CAVIN1: variants seen among roughly 807,000 people sequenced by gnomAD.
CAVIN1 encodes the protein caveolae associated protein 1, also known as caveolae-associated protein 1.
Under a neutral mutation model 24.0 loss-of-function variants are expected in CAVIN1, and 16 were observed. The ratio of observed to expected loss-of-function variants is 0.67; its 90% CI spans 0.45 to 1.01. The LOEUF (loss-of-function observed/expected upper bound fraction) is 1.01, where lower values mean the gene tolerates loss of function less well. Among genes scored for constraint, CAVIN1 ranks in the 50% least tolerant of loss-of-function variants. The probability of loss-of-function intolerance (pLI) is 0.00; values close to 1 mark genes in which losing one functional copy is unlikely to be tolerated. For synonymous variants in CAVIN1, 256 were observed against 256.4 expected (o/e 1.00, Z 0.02); for missense variants, 510 against 551.7 (o/e 0.92, Z 0.76).
In CAVIN1 at chr17:42,422,645, A is replaced by G. The variant is rs751021826; in HGVS notation, c.453T>C (p.Phe151=). Residue 151 remains phenylalanine, a synonymous_variant, in exon 1 of 2, where the codon TTT becomes TTC. Coordinates refer to ENST00000357037, the MANE Select transcript of CAVIN1 (RefSeq NM_012232.6). ...NEAELLRRRN[F]KVMIYQDEVK... is the part of the protein sequence containing the mutation. ...GGCTCACCTGGTAGATCATGACTTTAAAGTTGCGGCGCCGCAGCAGCTCGG... is the reference window on the plus strand; with the variant it reads ...GGCTCACCTGGTAGATCATGACTTTGAAGTTGCGGCGCCGCAGCAGCTCGG... The G allele has an allele frequency of 1.1e-5, 18 of 1,586,904 alleles. No homozygotes were observed. The South Asian group carries it at 2.1e-4, about 18-fold the overall frequency.
chr17:42,405,556 A>T (rs1408865311), intron 1 of CAVIN1, among the ~76,000 whole-genome samples, 168 bp from the exon 2 acceptor site: 2 of 152,014 alleles, frequency 1.3e-5, no homozygotes, highest in Non-Finnish European at 2.9e-5. Flanking sequence ...CTGTAATATT[A>T]GCGCTGTGGG....
chr17:42,404,625 G>T lies in CAVIN1; in HGVS notation c.*62C>A. On this transcript the variant is annotated 3_prime_UTR_variant, in exon 2 of 2. Transcript: ENST00000357037. ...AAATCTCAGCCAGCTCGAGCCGAGA[G>T]AGAATGCGAAAGAGGAAGTTCGGAA... is the stretch of plus-strand genomic sequence containing the variant. The T allele has an allele frequency of 8.7e-7, 1 of 1,154,114 alleles. No individual in the cohort carries two copies. The allele number at this position is 1,154,114 out of a possible 1,614,324, so 71.5% of individuals were successfully genotyped here.
intron 1 of CAVIN1, 112 bp from the exon 2 acceptor site, chr17:42,405,500 C>T: frequency 8.9e-7 from 1 of 1,123,712 alleles, no homozygotes; most frequent in Non-Finnish European, 1.3e-6. Context: ...CGCTCGTGGT[C>T]CCCAGGAAAC....
chr17:42,421,065 T>C (rs1485647517), intron 1 of CAVIN1, among the ~76,000 whole-genome samples: 3 of 152,174 alleles, frequency 2.0e-5, no homozygotes, highest in African/African-American at 7.2e-5. Context: ...TAAATAGTGC[T>C]TAAGTAGGGG....
chr17:42,418,921 G>A (rs528221334), intron 1 of CAVIN1, among the ~76,000 whole-genome samples: 21 of 152,178 alleles, frequency 1.4e-4, no homozygotes, highest in Non-Finnish European at 2.9e-4. Context: ...GATGCACGTG[G>A]TAGCTCATGC....
Position 42,423,240 on chromosome 17 carries a change from G to C in CAVIN1, c.-143C>G, listed in dbSNP as rs886052949. The C allele has an allele frequency of 2.2e-5, 15 of 686,034 alleles. No individual in the cohort carries two copies. Among genetic ancestry groups the C allele is most frequent in the Non-Finnish European group, 3.6e-5 (15 of 414,218 alleles). The allele number at this position is 686,034 out of a possible 1,614,324, so 42.5% of individuals were successfully genotyped here. ...ACTCGAGCCACGTCCGTGCGCACCGGGACAGCGGCCAGAACTGCTGGGCGG... is the reference window on the plus strand; with the variant it reads ...ACTCGAGCCACGTCCGTGCGCACCGCGACAGCGGCCAGAACTGCTGGGCGG... On this transcript the variant is annotated 5_prime_UTR_variant, in exon 1 of 2. Coordinates refer to ENST00000357037, the MANE Select transcript of CAVIN1 (RefSeq NM_012232.6).
chr17:42,405,055 T>A lies in CAVIN1; in HGVS notation c.805A>T (p.Thr269Ser). The A allele has an allele frequency of 6.2e-7, 1 of 1,614,120 alleles. No homozygotes were observed. Among genetic ancestry groups the A allele is most frequent in the South Asian group, 1.1e-5 (1 of 91,086 alleles). ...TKENLEKTRH[T>S]LEKRMNKLGT... is the part of the protein sequence containing the mutation. ...AGCTTGTTCATGCGCTTCTCCAGGG[T>A]GTGCCGCGTCTTCTCCAGGTTTTCC... is the stretch of plus-strand genomic sequence containing the variant. Residue 269 changes from threonine (T) to serine (S), a missense_variant, in exon 2 of 2, where the codon ACC becomes TCC. Physicochemically the swap from Thr to Ser is moderately conservative, Grantham distance 58. Coordinates refer to ENST00000357037, the MANE Select transcript of CAVIN1 (RefSeq NM_012232.6).
At position 42,423,130 on chromosome 17, in the gene CAVIN1, G is replaced by A. The variant is rs2085568468; in HGVS notation, c.-33C>T. 6.7e-7 allele frequency: 1 copy of A among 1,488,080 alleles called. No homozygotes were observed. The highest frequency in any genetic ancestry group is 1.4e-5 in the African/African-American group (1 of 71,360). 92.2% of individuals were successfully genotyped at this position (1,488,080 alleles called of 1,614,324 possible). On this transcript the variant is annotated 5_prime_UTR_variant, in exon 1 of 2. Transcript: ENST00000357037. ...CGGAGCCGTGCGGGACCGGCCGGGTGGGGCTGGAGCTGGAGCGGGAGACCC... is the reference window on the plus strand; with the variant it reads ...CGGAGCCGTGCGGGACCGGCCGGGTAGGGCTGGAGCTGGAGCGGGAGACCC...
At position 42,404,550 on chromosome 17, in the gene CAVIN1, G is replaced by A; in HGVS notation, c.*137C>T. On this transcript the variant is annotated 3_prime_UTR_variant, in exon 2 of 2. Transcript: ENST00000357037. ...CGGGTCCTAACAGCTCTAAGACTGG[G>A]AGTGGAGTTCCTGGAGGTGTGGGGA... is the stretch of plus-strand genomic sequence containing the variant. The A allele has an allele frequency of 1.7e-6, 1 of 585,806 alleles. No individual in the cohort carries two copies. The highest frequency in any genetic ancestry group is 2.4e-5 in the South Asian group (1 of 41,162). 36.3% of individuals were successfully genotyped at this position (585,806 alleles called of 1,614,324 possible). A position where few individuals can be genotyped will look rare whatever the true frequency, so the allele number is the denominator to read the frequency against.
intron 1 of CAVIN1, among the ~76,000 whole-genome samples, chr17:42,405,638 GC>G (rs1279280226): frequency 6.7e-6 from 1 of 149,434 alleles, no homozygotes; most frequent in African/African-American, 2.5e-5. Context: ...CCCATCTCCG[GC>G]CCCCCAACCC....
Position 42,423,201 on chromosome 17 carries a change from G to A in CAVIN1, c.-104C>T. The A allele has an allele frequency of 1.1e-6, 1 of 948,632 alleles. No individual in the cohort carries two copies. The highest frequency in any genetic ancestry group is 1.7e-5 in the South Asian group (1 of 57,884). 58.8% of individuals were successfully genotyped at this position (948,632 alleles called of 1,614,324 possible). ...GGGAGGAGAGCTAGCGGGCGAGAGC[G>A]GAGAGCAGAGGAAACTCGAGCCACG... On this transcript the variant is annotated 5_prime_UTR_variant, in exon 1 of 2. Coordinates refer to ENST00000357037, the MANE Select transcript of CAVIN1 (RefSeq NM_012232.6).
At chr17:42,415,167 GAGCCAC>G (rs748410969) in intron 1 of CAVIN1, among the ~76,000 whole-genome samples, 174 of 152,198 alleles carry the variant, frequency 1.1e-3, no homozygotes, top group Non-Finnish European at 2.1e-3. Context: ...GCAAGTGTCG[GAGCCAC>G]AGCTAGCCCT....
At chr17:42,411,567 T>C (rs2085479028) in intron 1 of CAVIN1, 2 of 985,332 alleles carry the variant, frequency 2.0e-6, no homozygotes, top group Admixed American at 6.1e-5. Flanking sequence ...TGCAAAGCAT[T>C]TTCTAAAAGA....
intron 1 of CAVIN1, among the ~76,000 whole-genome samples, chr17:42,410,041 C>T (rs188964153): frequency 5.3e-5 from 8 of 152,332 alleles, no homozygotes; most frequent in African/African-American, 1.9e-4. Context: ...CCACTCCACC[C>T]CCCAACCCTG....
intron 1 of CAVIN1, among the ~76,000 whole-genome samples, chr17:42,416,375 AG>A (rs1307541615): frequency 4.2e-4 from 17 of 40,204 alleles, no homozygotes; most frequent in African/African-American, 6.6e-4. Flanking sequence ...CAAAGAAAGA[AG>A]AGAGAGAGAG....
chr17:42,405,694 T>TG (rs2085442169), intron 1 of CAVIN1, among the ~76,000 whole-genome samples: 3 of 83,988 alleles, frequency 3.6e-5, no homozygotes, highest in East Asian at 6.0e-4. Flanking sequence ...TTTTTTTTTT[T>TG]TTTTTTTTTT....
In CAVIN1 at chr17:42,408,561, G is replaced by C. The variant is rs376190077; in HGVS notation, c.472-3173C>G. On this transcript the variant is annotated intron_variant, in intron 1 of 1. Coordinates refer to ENST00000357037, the MANE Select transcript of CAVIN1 (RefSeq NM_012232.6). The stretch of plus-strand genomic sequence containing the variant: ...GGCTGGAGTGCAATGACACGATCTC[G>C]GCTCACCGCAACATCCGCCTCCTAG... Among the ~76,000 whole-genome samples, 5 of 152,050 alleles carry C rather than the reference G, an allele frequency of 3.3e-5. No homozygotes were observed. The South Asian group carries it at 1.0e-3, about 32-fold the overall frequency.
chr17:42,417,768 C>T (rs1339287465), intron 1 of CAVIN1, among the ~76,000 whole-genome samples: 1 of 152,108 alleles, frequency 6.6e-6, no homozygotes, highest in Non-Finnish European at 1.5e-5. Context: ...AAACGATTCC[C>T]CTGCCTCAGC....
At chr17:42,408,790 C>CTTTT (rs67299164) in intron 1 of CAVIN1, among the ~76,000 whole-genome samples, 4 of 120,848 alleles carry the variant, frequency 3.3e-5, no homozygotes, top group Non-Finnish European at 5.1e-5. Flanking sequence ...CGTGCCCGGC[C>CTTTT]TTTTTTTTTT....
Sources: gnomAD v4.1 joint callset for allele counts (sites outside exome capture counted in the v4.1 genomes callset) on GRCh38, gnomAD v4.1.1 for gene constraint, MANE v1.5 for transcripts, NCBI Gene and HGNC (gene_info 2026-07-23, HGNC 2026-07-21) for gene names.